PRIM2: variants seen among roughly 807,000 people sequenced by gnomAD.
PRIM2 encodes DNA primase large subunit.
A neutral mutation model predicts 67.3 loss-of-function variants in PRIM2; 39 were observed. That is an observed-to-expected ratio of 0.58 (90% CI 0.45 to 0.76). The LOEUF is 0.76. Ranked by LOEUF, PRIM2 falls within the 30% of genes least tolerant of loss-of-function variation. The pLI, the probability that PRIM2 is intolerant of heterozygous loss-of-function variation, is 0.00. For synonymous variants in PRIM2, 143 were observed against 198.7 expected (o/e 0.72, Z 2.36); for missense variants, 398 against 598.7 (o/e 0.66, Z 3.50).
At chr6:57,529,127 G>A (rs1364743789) in intron 8 of PRIM2, among the ~76,000 whole-genome samples, 7 of 152,138 alleles carry the variant, frequency 4.6e-5, no homozygotes, top group African/African-American at 9.6e-5. Context: ...TAGCTAACAC[G>A]GTGAAACCCC....
At chr6:57,623,934 G>A (rs1239898440) in intron 12 of PRIM2, among the ~76,000 whole-genome samples, 2 of 151,872 alleles carry the variant, frequency 1.3e-5, no homozygotes, top group East Asian at 1.9e-4. Context: ...AGCATATCCA[G>A]GAGATATGAT....
chr6:57,389,905 G>T (rs1419875475), intron 7 of PRIM2, among the ~76,000 whole-genome samples: 3 of 152,024 alleles, frequency 2.0e-5, no homozygotes, highest in Non-Finnish European at 2.9e-5. Context: ...CTTGGGTTCT[G>T]GTTAACATGT....
In PRIM2 at chr6:57,561,978, A is replaced by T. The variant is rs1775641734; in HGVS notation, c.1020+24353A>T. ...GTCCTTATTAATTGGCCTGATTTCA[A>T]TATTTTTGTGTTTCTGGGAGTAGAG... On this transcript the variant is annotated intron_variant, in intron 10 of 13. Transcript: ENST00000615550. Among the ~76,000 whole-genome samples the T allele has an allele frequency of 3.3e-5, 5 of 152,148 alleles. 1 individual carries two copies. Among genetic ancestry groups the T allele is most frequent in the African/African-American group, 1.2e-4 (5 of 41,500 alleles).
the PRIM2 span, among the ~76,000 whole-genome samples, chr6:57,275,993 C>A: frequency 1.3e-5 from 2 of 152,182 alleles, no homozygotes; most frequent in Admixed American, 1.3e-4. Context: ...GGAACTGGAG[C>A]TCCATGTTTC....
At chr6:57,381,745 G>C (rs1489259897) in intron 6 of PRIM2, among the ~76,000 whole-genome samples, 1 of 152,136 alleles carries the variant, frequency 6.6e-6, no homozygotes. Flanking sequence ...AAATCCTGGG[G>C]ATTATGTTTT....
At chr6:57,580,999 A>T (rs1776074982) in intron 10 of PRIM2, among the ~76,000 whole-genome samples, 1 of 152,176 alleles carries the variant, frequency 6.6e-6, no homozygotes, top group Non-Finnish European at 1.5e-5. Flanking sequence ...TAAATCTGGG[A>T]AAATAAGTAA....
intron 5 of PRIM2, among the ~76,000 whole-genome samples, chr6:57,368,437 A>G (rs1769440165): frequency 3.3e-5 from 5 of 152,168 alleles, no homozygotes; most frequent in Admixed American, 3.3e-4. Flanking sequence ...AAACTATCCA[A>G]ACTATTTATA....
intron 7 of PRIM2, among the ~76,000 whole-genome samples, chr6:57,418,383 G>GGTTTTTTTTTTTTTTTTTTTTTTTT (rs1554336216): frequency 4.2e-5 from 2 of 47,230 alleles, no homozygotes; most frequent in African/African-American, 6.5e-5. Context: ...TATGTGTGTG[G>GGTTTTTTTTTTTTTTTTTTTTTTTT]TTTTTTTTTT....
intron 13 of PRIM2, among the ~76,000 whole-genome samples, chr6:57,645,372 T>C (rs1325314852): frequency 3.1e-4 from 42 of 135,288 alleles, no homozygotes; most frequent in Non-Finnish European, 6.5e-4. Context: ...CACACACACA[T>C]TTGTATTCCA....
At chr6:57,373,742 T>C (rs1581839347) in intron 5 of PRIM2, among the ~76,000 whole-genome samples, 1 of 152,258 alleles carries the variant, frequency 6.6e-6, no homozygotes, top group African/African-American at 2.4e-5. Context: ...GGTTTGTTGA[T>C]GATCAAGTGT....
chr6:57,351,192 T>C (rs1176263293), intron 5 of PRIM2, among the ~76,000 whole-genome samples: 3 of 152,026 alleles, frequency 2.0e-5, no homozygotes, highest in Non-Finnish European at 4.4e-5. Context: ...TTCTATTTTT[T>C]TTCAGATTTT....
At chr6:57,481,164 C>T (rs1192854957) in intron 7 of PRIM2, among the ~76,000 whole-genome samples, 2 of 152,182 alleles carry the variant, frequency 1.3e-5, no homozygotes, top group East Asian at 3.9e-4. Flanking sequence ...TCTATGCTGT[C>T]TTATCATGTG....
At chr6:57,587,938 T>G (rs1348971396) in intron 10 of PRIM2, among the ~76,000 whole-genome samples, 4 of 152,156 alleles carry the variant, frequency 2.6e-5, no homozygotes, top group Non-Finnish European at 5.9e-5. Context: ...CGCTAGTCCT[T>G]GTGGTTTTAA....
intron 7 of PRIM2, among the ~76,000 whole-genome samples, chr6:57,423,799 A>G (rs1356462456): frequency 6.6e-6 from 1 of 152,184 alleles, no homozygotes; most frequent in African/African-American, 2.4e-5. Context: ...ACTGTGATTA[A>G]GGGTACATTG....
At chr6:57,415,425 C>T (rs9464481) in intron 7 of PRIM2, among the ~76,000 whole-genome samples, 4 of 152,082 alleles carry the variant, frequency 2.6e-5, no homozygotes, top group Admixed American at 2.0e-4. Context: ...GAATGCAATA[C>T]CATCTTTTAA....
intron 10 of PRIM2, among the ~76,000 whole-genome samples, chr6:57,555,062 G>A (rs1259003438): frequency 2.6e-5 from 4 of 151,844 alleles, no homozygotes; most frequent in Admixed American, 6.6e-5. Flanking sequence ...TATCAAAAGG[G>A]GATATAATAT....
intron 10 of PRIM2, among the ~76,000 whole-genome samples, chr6:57,558,462 G>A (rs1490913108): frequency 2.6e-5 from 4 of 152,076 alleles, no homozygotes; most frequent in Admixed American, 6.6e-5. Flanking sequence ...TCATATAAAG[G>A]TTGTTGGTAA....
chr6:57,633,464 G>A (rs1777067157), intron 13 of PRIM2, among the ~76,000 whole-genome samples: 1 of 152,060 alleles, frequency 6.6e-6, no homozygotes, highest in Non-Finnish European at 1.5e-5. Context: ...TTGTTACAAA[G>A]TAGTTTTTCT....
intron 7 of PRIM2, among the ~76,000 whole-genome samples, chr6:57,480,854 C>A (rs1255987231): frequency 6.6e-6 from 1 of 152,188 alleles, no homozygotes; most frequent in African/African-American, 2.4e-5. Flanking sequence ...TCTCCATTTC[C>A]TGACCTTGTG....
Sources: gnomAD v4.1 joint callset for allele counts (sites outside exome capture counted in the v4.1 genomes callset) on GRCh38, gnomAD v4.1.1 for gene constraint, MANE v1.5 for transcripts, NCBI Gene and HGNC (gene_info 2026-07-23, HGNC 2026-07-21) for gene names.